The following KIF6 variants were observed in gnomAD, a reference collection of about 807,000 sequenced individuals.
KIF6 encodes the protein kinesin family member 6, also known as kinesin-like protein KIF6.
Under a neutral mutation model 112.7 loss-of-function variants are expected in KIF6, and 106 were observed. The ratio of observed to expected loss-of-function variants is 0.94; its 90% CI spans 0.80 to 1.11. KIF6 has a LOEUF of 1.11. Ranked by LOEUF, KIF6 falls within the 50% of genes least tolerant of loss-of-function variation. The probability of loss-of-function intolerance (pLI) is 0.00; values close to 1 mark genes in which losing one functional copy is unlikely to be tolerated. For missense variants in KIF6, 929 were observed against 964.0 expected, an observed-to-expected ratio of 0.96 and a Z score of 0.48; for synonymous variants, 339 against 339.9, an observed-to-expected ratio of 1.00 and a Z score of 0.03.
At chr6:39,704,951 A>G (rs1394028877) in intron 3 of KIF6, among the ~76,000 whole-genome samples, 1 of 152,228 alleles carries the variant, frequency 6.6e-6, no homozygotes, top group Non-Finnish European at 1.5e-5. Context: ...GGTCTCATGT[A>G]TATGAAGCCG....
intron 1 of KIF6, among the ~76,000 whole-genome samples, chr6:39,724,476 G>A (rs1015266895): frequency 7.4e-5 from 11 of 147,926 alleles, no homozygotes; most frequent in South Asian, 6.4e-4. Context: ...AAAAAAAAAG[G>A]TGCATACAAA....
chr6:39,697,104 GT>G (rs1478452074), intron 3 of KIF6, among the ~76,000 whole-genome samples: 1 of 152,120 alleles, frequency 6.6e-6, no homozygotes, highest in East Asian at 1.9e-4. Context: ...CAAAGCGGAG[GT>G]TTATCTGCCA....
intron 6 of KIF6, among the ~76,000 whole-genome samples, chr6:39,602,196 A>T (rs533526283): frequency 5.3e-5 from 8 of 152,248 alleles, no homozygotes; most frequent in African/African-American, 1.9e-4. Context: ...TTGTATCAAA[A>T]ATATTAGCTT....
chr6:39,418,466 T>C (rs573772393), intron 15 of KIF6, among the ~76,000 whole-genome samples: 4 of 152,180 alleles, frequency 2.6e-5, no homozygotes, highest in Admixed American at 6.5e-5. Flanking sequence ...AATAAAAAGA[T>C]CTAATGGTGA....
chr6:39,621,877 C>A lies in KIF6; in HGVS notation c.510-8559G>T, dbSNP rs1227655467. 2.0e-5 allele frequency among the ~76,000 whole-genome samples: 3 copies of A among 151,846 alleles called. No homozygotes were observed. The East Asian group carries it at 5.8e-4, about 29-fold the overall frequency. Reference sequence around the variant, plus strand: ...CTTTGAATGGTTAATGAAATTGAACCTATTTCAGCCAGGCGTGGTGGCTCA... The same window carrying A: ...CTTTGAATGGTTAATGAAATTGAACATATTTCAGCCAGGCGTGGTGGCTCA... On this transcript the variant is annotated intron_variant, in intron 5 of 22. Coordinates refer to ENST00000287152, the MANE Select transcript of KIF6 (RefSeq NM_145027.6).
intron 2 of KIF6, among the ~76,000 whole-genome samples, chr6:39,716,347 G>C (rs80165548): frequency 8.6e-5 from 13 of 151,894 alleles, no homozygotes; most frequent in African/African-American, 2.7e-4. Context: ...ATTTAAAATA[G>C]CAGGTGGTAG....
intron 15 of KIF6, among the ~76,000 whole-genome samples, chr6:39,414,023 T>A (rs150490654): frequency 2.0e-5 from 3 of 152,328 alleles, no homozygotes; most frequent in Non-Finnish European, 2.9e-5. Flanking sequence ...TCTATTCTTG[T>A]AGGGATCTGG....
At chr6:39,337,879 G>A (rs1452857083) in intron 22 of KIF6, among the ~76,000 whole-genome samples, 2 of 152,190 alleles carry the variant, frequency 1.3e-5, no homozygotes, top group Non-Finnish European at 2.9e-5. Flanking sequence ...TGGAGCAGAT[G>A]AGATACCTGG....
intron 19 of KIF6, chr6:39,354,082 C>T (rs1764460190): frequency 3.0e-6 from 1 of 333,112 alleles, no homozygotes; most frequent in South Asian, 2.6e-5. Context: ...GACATTTGCT[C>T]CCTCCTGTTG....
At chr6:39,512,908 T>C (rs987316927) in intron 13 of KIF6, among the ~76,000 whole-genome samples, 1 of 152,174 alleles carries the variant, frequency 6.6e-6, no homozygotes, top group Non-Finnish European at 1.5e-5. Flanking sequence ...CTTGGTACCA[T>C]GAGCCAGGCA....
At chr6:39,426,946 T>C (rs1347189414) in intron 14 of KIF6, among the ~76,000 whole-genome samples, 5 of 152,154 alleles carry the variant, frequency 3.3e-5, no homozygotes, top group Non-Finnish European at 5.9e-5. Flanking sequence ...TTCAAGGCTT[T>C]TGCATGGGGG....
At chr6:39,576,392 G>C (rs1333367927) in intron 10 of KIF6, among the ~76,000 whole-genome samples, 1 of 152,146 alleles carries the variant, frequency 6.6e-6, no homozygotes, top group African/African-American at 2.4e-5. Flanking sequence ...CCAAAGTGCT[G>C]GGATTACAGA....
chr6:39,496,606 A>T (rs1244844027), intron 13 of KIF6, among the ~76,000 whole-genome samples: 2 of 152,170 alleles, frequency 1.3e-5, no homozygotes, highest in East Asian at 3.9e-4. Flanking sequence ...AGATGGTCGT[A>T]GGGTAAGGGT....
At chr6:39,717,515 C>A (rs1789927643) in intron 2 of KIF6, among the ~76,000 whole-genome samples, 3 of 152,142 alleles carry the variant, frequency 2.0e-5, no homozygotes, top group Admixed American at 6.5e-5. Context: ...AATGTTGCAA[C>A]CATTCCTCTC....
At chr6:39,373,585 C>T (rs955098290) in intron 16 of KIF6, among the ~76,000 whole-genome samples, 10 of 151,254 alleles carry the variant, frequency 6.6e-5, no homozygotes, top group Non-Finnish European at 1.2e-4. Context: ...ACAAACTATC[C>T]GAAAGAGAAA....
intron 13 of KIF6, among the ~76,000 whole-genome samples, chr6:39,519,634 A>G (rs921005081): frequency 1.3e-5 from 2 of 152,024 alleles, no homozygotes; most frequent in Non-Finnish European, 2.9e-5. Context: ...TGGAACAAAG[A>G]GTAGAAACCT....
At chr6:39,709,181 C>T (rs945648069) in intron 3 of KIF6, among the ~76,000 whole-genome samples, 4 of 152,154 alleles carry the variant, frequency 2.6e-5, no homozygotes, top group Admixed American at 1.3e-4. Flanking sequence ...ATACAAAGTT[C>T]AAGCTTTACT....
intron 9 of KIF6, among the ~76,000 whole-genome samples, chr6:39,584,676 T>C (rs1338212920): frequency 2.0e-5 from 3 of 152,098 alleles, no homozygotes; most frequent in African/African-American, 4.8e-5. Context: ...TTAGCACTTA[T>C]GACTCTGAGC....
chr6:39,709,088 G>A (rs1451703812), intron 3 of KIF6, among the ~76,000 whole-genome samples: 1 of 152,192 alleles, frequency 6.6e-6, no homozygotes, highest in African/African-American at 2.4e-5. Context: ...GAGATTAGAA[G>A]AGGCATCATG....
Sources: allele counts gnomAD v4.1 joint callset (sites outside exome capture counted in the v4.1 genomes callset), GRCh38; gene constraint gnomAD v4.1.1; transcripts MANE v1.5; gene names NCBI Gene and HGNC (gene_info 2026-07-23, HGNC 2026-07-21).